Variants in FHOD3 observed in about 807,000 individuals in gnomAD.
FHOD3 encodes formin homology 2 domain containing 3, also known as FH1/FH2 domain-containing protein 3.
A neutral mutation model predicts 173.0 loss-of-function variants in FHOD3; 90 were observed. The ratio of observed to expected loss-of-function variants is 0.52; its 90% CI spans 0.44 to 0.62. The LOEUF (loss-of-function observed/expected upper bound fraction) is 0.62. Among genes scored for constraint, FHOD3 ranks in the 20% least tolerant of loss-of-function variants. The pLI is 0.00. For synonymous variants in FHOD3, 828 were observed against 823.0 expected, an observed-to-expected ratio of 1.01 and a Z score of -0.10; for missense variants, 1,945 against 2,034.7, an observed-to-expected ratio of 0.96 and a Z score of 0.85.
chr18:36,603,046 G>A (rs1346289953), intron 8 of FHOD3, among the ~76,000 whole-genome samples: 4 of 150,250 alleles, frequency 2.7e-5, no homozygotes, highest in African/African-American at 1.0e-4. Context: ...ACAGATTGTT[G>A]GCTGCCAATT....
intron 3 of FHOD3, among the ~76,000 whole-genome samples, chr18:36,388,297 T>G (rs1724866770): frequency 6.6e-6 from 1 of 152,148 alleles, no homozygotes; most frequent in South Asian, 2.1e-4. Flanking sequence ...GAGCCCCCAC[T>G]GGTCTCCCCA....
intron 14 of FHOD3, among the ~76,000 whole-genome samples, chr18:36,665,338 C>T (rs1201761823): frequency 1.3e-5 from 2 of 152,198 alleles, no homozygotes; most frequent in African/African-American, 4.8e-5. Flanking sequence ...CCTGACTTCA[C>T]AGGGCTTACA....
At chr18:36,597,706 G>A (rs553470690) in intron 7 of FHOD3, among the ~76,000 whole-genome samples, 3 of 152,164 alleles carry the variant, frequency 2.0e-5, no homozygotes, top group Non-Finnish European at 2.9e-5. Context: ...GATTACAGGC[G>A]TGAGCCACTG....
chr18:36,518,826 C>A (rs959182032), intron 5 of FHOD3, among the ~76,000 whole-genome samples: 1 of 152,064 alleles, frequency 6.6e-6, no homozygotes, highest in Non-Finnish European at 1.5e-5. Context: ...GTAGTTGAAA[C>A]CTCTGCTTTA....
At chr18:36,464,717 A>G (rs747799264) in intron 3 of FHOD3, among the ~76,000 whole-genome samples, 7 of 151,564 alleles carry the variant, frequency 4.6e-5, no homozygotes, top group Non-Finnish European at 8.9e-5. Context: ...TTAGGAGGGA[A>G]GGAGGCCCAG....
chr18:36,623,637 T>C (rs781261431), intron 9 of FHOD3, among the ~76,000 whole-genome samples: 1 of 152,254 alleles, frequency 6.6e-6, no homozygotes, highest in Non-Finnish European at 1.5e-5. Context: ...TTATCAATTC[T>C]TGCCTCAAAC....
intron 9 of FHOD3, among the ~76,000 whole-genome samples, chr18:36,613,984 T>C (rs961010022): frequency 2.6e-5 from 4 of 152,168 alleles, no homozygotes; most frequent in Admixed American, 2.0e-4. Context: ...TGGTTGTTTT[T>C]TCGTTTTGTT....
intron 5 of FHOD3, 86 bp from the exon 6 acceptor site, chr18:36,576,365 T>C: frequency 1.1e-6 from 1 of 908,408 alleles, no homozygotes; most frequent in Non-Finnish European, 1.7e-6. Context: ...ACTTAAAGTA[T>C]GAAAATCTTG....
At chr18:36,465,339 T>C (rs2052849301) in intron 3 of FHOD3, among the ~76,000 whole-genome samples, 1 of 151,976 alleles carries the variant, frequency 6.6e-6, no homozygotes, top group South Asian at 2.1e-4. Context: ...AAAAAACAAT[T>C]AGACACGGAT....
intron 3 of FHOD3, among the ~76,000 whole-genome samples, chr18:36,423,301 G>C (rs1599056001): frequency 1.3e-5 from 2 of 152,136 alleles, no homozygotes; most frequent in African/African-American, 2.4e-5. Context: ...AGATCAGATT[G>C]GGTTTGACTA....
intron 8 of FHOD3, among the ~76,000 whole-genome samples, chr18:36,606,190 TA>T (rs2032050035): frequency 6.6e-6 from 1 of 152,216 alleles, no homozygotes; most frequent in East Asian, 1.9e-4. Flanking sequence ...GTTTTAAAAT[TA>T]TTGTCTTAGT....
chr18:36,653,061 G>T, intron 12 of FHOD3, 132 bp downstream of exon 12: 1 of 1,268,622 alleles, frequency 7.9e-7, no homozygotes, highest in Non-Finnish European at 1.1e-6. Flanking sequence ...AGCAGTTGTG[G>T]CATAAACTTA....
At chr18:36,502,865 A>G (rs1796490736) in intron 4 of FHOD3, among the ~76,000 whole-genome samples, 1 of 152,164 alleles carries the variant, frequency 6.6e-6, no homozygotes, top group Non-Finnish European at 1.5e-5. Context: ...TACATATGTG[A>G]TCATGTTGCA....
chr18:36,342,003 T>C (rs1414862756), intron 1 of FHOD3, among the ~76,000 whole-genome samples: 1 of 152,126 alleles, frequency 6.6e-6, no homozygotes, highest in Non-Finnish European at 1.5e-5. Flanking sequence ...TAGATTAAGA[T>C]AAGGAATTTT....
intron 4 of FHOD3, among the ~76,000 whole-genome samples, chr18:36,511,579 T>C (rs959486065): frequency 6.6e-6 from 1 of 152,100 alleles, no homozygotes; most frequent in African/African-American, 2.4e-5. Context: ...ATGATTCTAA[T>C]GTGAAGGAGT....
At chr18:36,587,388 G>A (rs77390680) in intron 6 of FHOD3, among the ~76,000 whole-genome samples, 66 of 152,284 alleles carry the variant, frequency 4.3e-4, no homozygotes, top group African/African-American at 1.4e-3. Flanking sequence ...CTCAGGCATC[G>A]TATTTCCCAA....
intron 3 of FHOD3, among the ~76,000 whole-genome samples, chr18:36,474,149 C>T (rs767144218): frequency 9.2e-5 from 14 of 152,172 alleles, no homozygotes; most frequent in Non-Finnish European, 1.8e-4. Context: ...AGTAAGAAGA[C>T]CTGGAAGGGA....
intron 5 of FHOD3, among the ~76,000 whole-genome samples, chr18:36,522,255 T>C (rs2056313082): frequency 6.6e-6 from 1 of 152,214 alleles, no homozygotes; most frequent in African/African-American, 2.4e-5. Flanking sequence ...ATAGACTATC[T>C]GCAGAGAAAG....
rs1403857027 is a variant in FHOD3 at position 36,409,300 on chromosome 18, C to T, written c.337+36556C>T. Among the ~76,000 whole-genome samples the T allele has an allele frequency of 2.0e-5, 3 of 152,314 alleles. No individual in the cohort carries two copies. In the East Asian group the frequency reaches 5.8e-4, roughly 29 times the overall value. ...ATCCATGTAGAGAAAAGAAACAGCT[C>T]TTCTAAGACTGATAGCACAGTCTAG... On this transcript the variant is annotated intron_variant, in intron 3 of 28. Coordinates refer to ENST00000590592, the MANE Select transcript of FHOD3 (RefSeq NM_001281740.3).
Sources: allele counts gnomAD v4.1 joint callset (sites outside exome capture counted in the v4.1 genomes callset), GRCh38; gene constraint gnomAD v4.1.1; transcripts MANE v1.5; gene names NCBI Gene and HGNC (gene_info 2026-07-23, HGNC 2026-07-21).